The following TCTN3 variants were observed in gnomAD, a reference collection of about 807,000 sequenced individuals.
TCTN3 encodes the protein tectonic family member 3, also known as tectonic-3.
In TCTN3, 57 loss-of-function variants were observed where a neutral mutation model predicts 71.3. That is an observed-to-expected ratio of 0.80 (90% confidence interval 0.65 to 1.00). TCTN3 has a LOEUF of 1.00. Ranked by LOEUF, TCTN3 falls within the 50% of genes least tolerant of loss-of-function variation. The pLI, the probability that TCTN3 is intolerant of heterozygous loss-of-function variation, is 0.00. For missense variants in TCTN3, 696 were observed against 719.9 expected (o/e 0.97, Z 0.38); for synonymous variants, 258 against 267.8 (o/e 0.96, Z 0.36).
chr10:95,684,278 G>C (rs1278130509), intron 9 of TCTN3, among the ~76,000 whole-genome samples: 1 of 152,162 alleles, frequency 6.6e-6, no homozygotes, highest in Non-Finnish European at 1.5e-5. Flanking sequence ...TTTGTTGGGG[G>C]CCAGACAGAG....
At chr10:95,670,441 C>G (rs758229491) in intron 13 of TCTN3, among the ~76,000 whole-genome samples, 8 of 152,108 alleles carry the variant, frequency 5.3e-5, no homozygotes, top group Non-Finnish European at 8.8e-5. Flanking sequence ...TCACTGCAGC[C>G]TTGACCTCTT....
chr10:95,669,137 GGTA>G (rs2097928448), intron 13 of TCTN3, among the ~76,000 whole-genome samples: 1 of 152,082 alleles, frequency 6.6e-6, no homozygotes, highest in African/African-American at 2.4e-5. Context: ...GTAGTGGGGG[GGTA>G]GGAGGAAAAT....
chr10:95,673,164 G>A (rs1308967974), intron 13 of TCTN3, among the ~76,000 whole-genome samples: 1 of 152,094 alleles, frequency 6.6e-6, no homozygotes, highest in Non-Finnish European at 1.5e-5. Flanking sequence ...ATCTTTTGGT[G>A]AGCAGAGATT....
At chr10:95,688,187 G>A (rs1401427052) in intron 3 of TCTN3, among the ~76,000 whole-genome samples, 6 of 151,908 alleles carry the variant, frequency 3.9e-5, no homozygotes, top group African/African-American at 1.2e-4. Context: ...TCAGGAGTTC[G>A]AGACCAGCCT....
At position 95,683,643 on chromosome 10, in the gene TCTN3, G is replaced by A; in HGVS notation, c.1096-14C>T. On this transcript the variant is annotated splice_polypyrimidine_tract_variant and intron_variant, in intron 9 of 13. Coordinates refer to ENST00000371217, the MANE Select transcript of TCTN3 (RefSeq NM_015631.6). The stretch of plus-strand genomic sequence containing the variant: ...CTGTTGAAAAGCCTGCAGAAAGAGG[G>A]AAGAGAAGTCAATTATGGAGATAAG... 6.3e-7 allele frequency: 1 copy of A among 1,598,544 alleles called. No homozygotes were observed. The highest frequency in any genetic ancestry group is 8.5e-7 in the Non-Finnish European group (1 of 1,170,668).
intron 9 of TCTN3, 56 bp downstream of exon 9, chr10:95,684,443 A>G: frequency 1.3e-6 from 2 of 1,581,920 alleles, no homozygotes; most frequent in South Asian, 1.2e-5. Flanking sequence ...CAAAGAAATT[A>G]TTTCTAACCC....
intron 13 of TCTN3, among the ~76,000 whole-genome samples, chr10:95,664,634 C>T (rs2097924223): frequency 1.3e-5 from 2 of 152,112 alleles, no homozygotes; most frequent in African/African-American, 2.4e-5. Context: ...TCAGAAGGCT[C>T]CAGGCTCTGA....
At chr10:95,670,558 G>A (rs1028441251) in intron 13 of TCTN3, among the ~76,000 whole-genome samples, 3 of 151,558 alleles carry the variant, frequency 2.0e-5, no homozygotes, top group Non-Finnish European at 2.9e-5. Flanking sequence ...AGTAGAGATG[G>A]GGTTTTGCCA....
At position 95,685,555 on chromosome 10, in the gene TCTN3, C is replaced by A. The variant is rs1015704325; in HGVS notation, c.969+1G>T. On this transcript the variant is annotated splice_donor_variant, in intron 8 of 13. Coordinates refer to ENST00000371217, the MANE Select transcript of TCTN3 (RefSeq NM_015631.6). LOFTEE classifies it high-confidence loss of function. ...CCAGAATCTGAGGTCAGTATCCCTA[C>A]CTGAGAAACTACATTCTGACAAGTG... 1 of 1,549,830 alleles carries A rather than the reference C, an allele frequency of 6.5e-7. No homozygotes were observed. The highest frequency in any genetic ancestry group is 8.7e-7 in the Non-Finnish European group (1 of 1,145,450).
chr10:95,680,360 T>A, intron 13 of TCTN3, 112 bp downstream of exon 13: 5 of 1,205,042 alleles, frequency 4.1e-6, no homozygotes, highest in Non-Finnish European at 5.7e-6. Flanking sequence ...CAAACATTGG[T>A]TGCTAACATA....
intron 2 of TCTN3, 71 bp from the exon 3 acceptor site, chr10:95,693,109 A>C: frequency 7.7e-7 from 1 of 1,306,832 alleles, no homozygotes. Flanking sequence ...GTGTCCCAGC[A>C]ATATCGGCCA....
At position 95,663,697 on chromosome 10, in the gene TCTN3, A is replaced by G. The variant is rs1262274599; in HGVS notation, c.*370T>C. The G allele has an allele frequency of 5.4e-5, 11 of 204,858 alleles. No individual in the cohort carries two copies. The highest frequency in any genetic ancestry group is 2.0e-5 in the Non-Finnish European group (2 of 99,884). The allele number at this position is 204,858 out of a possible 1,614,324, so 12.7% of individuals were successfully genotyped here. Reference sequence around the variant, plus strand: ...TGAGTTCATTCAAGGTGACAGCAGAAGTGTTTCTCTCTTTCTGCTTGGCCC... The same window carrying G: ...TGAGTTCATTCAAGGTGACAGCAGAGGTGTTTCTCTCTTTCTGCTTGGCCC... On this transcript the variant is annotated 3_prime_UTR_variant, in exon 14 of 14. Coordinates refer to ENST00000371217, the MANE Select transcript of TCTN3 (RefSeq NM_015631.6).
At chr10:95,664,487 T>C (rs1034810758) in intron 13 of TCTN3, among the ~76,000 whole-genome samples, 187 bp from the exon 14 acceptor site, 6 of 152,326 alleles carry the variant, frequency 3.9e-5, no homozygotes, top group Non-Finnish European at 7.3e-5. Context: ...ATCTTAGCAA[T>C]AGTCAATGAT....
chr10:95,679,890 G>A (rs1036357506), intron 13 of TCTN3, among the ~76,000 whole-genome samples: 14 of 152,080 alleles, frequency 9.2e-5, no homozygotes, highest in African/African-American at 3.4e-4. Context: ...GCGCCCGGCC[G>A]TCATTTCTAA....
chr10:95,668,438 C>A (rs1283092348), intron 13 of TCTN3, among the ~76,000 whole-genome samples: 1 of 151,994 alleles, frequency 6.6e-6, no homozygotes, highest in East Asian at 1.9e-4. Context: ...ATAAAAAGAT[C>A]TTAAAATGGC....
chr10:95,686,059 C>G (rs1034049488), intron 7 of TCTN3, among the ~76,000 whole-genome samples: 1 of 152,140 alleles, frequency 6.6e-6, no homozygotes, highest in Non-Finnish European at 1.5e-5. Flanking sequence ...AGATCCCCAT[C>G]TCTACAAAAT....
intron 13 of TCTN3, among the ~76,000 whole-genome samples, chr10:95,669,553 G>A (rs185834886): frequency 2.0e-5 from 3 of 152,114 alleles, no homozygotes; most frequent in Non-Finnish European, 4.4e-5. Flanking sequence ...ACACAGATTA[G>A]AACTGTTCAC....
chr10:95,692,871 T>C (rs1302814131), intron 3 of TCTN3, 49 bp downstream of exon 3: 2 of 1,408,268 alleles, frequency 1.4e-6, no homozygotes, highest in African/African-American at 2.8e-5. Flanking sequence ...AGACAAAATA[T>C]AACACTCCTG....
At chr10:95,673,385 C>T (rs987553912) in intron 13 of TCTN3, among the ~76,000 whole-genome samples, 19 of 152,078 alleles carry the variant, frequency 1.2e-4, no homozygotes, top group African/African-American at 4.6e-4. Context: ...GTTCATTTTT[C>T]CCCCATATGT....
Sources: allele counts gnomAD v4.1 joint callset (sites outside exome capture counted in the v4.1 genomes callset), GRCh38; gene constraint gnomAD v4.1.1; transcripts MANE v1.5; gene names NCBI Gene and HGNC (gene_info 2026-07-23, HGNC 2026-07-21).